The following HECW1 variants were observed in gnomAD, a reference collection of about 807,000 sequenced individuals.
HECW1 encodes HECT, C2 and WW domain containing E3 ubiquitin protein ligase 1, also known as E3 ubiquitin-protein ligase HECW1.
Under a neutral mutation model 182.3 loss-of-function variants are expected in HECW1, and 61 were observed. The observed-to-expected ratio is 0.33, with a 90% confidence interval of 0.27 to 0.41. The LOEUF is 0.41. Ranked by LOEUF, HECW1 falls within the 10% of genes least tolerant of loss-of-function variation. The pLI, the probability that HECW1 is intolerant of heterozygous loss-of-function variation, is 1.00. For synonymous variants in HECW1, 859 were observed against 832.6 expected, an observed-to-expected ratio of 1.03 and a Z score of -0.55; for missense variants, 1,739 against 2,108.9, an observed-to-expected ratio of 0.82 and a Z score of 3.44.
Position 43,407,125 on chromosome 7 carries a change from G to T in HECW1, c.632-437G>T, listed in dbSNP as rs373913882. ...AAGCCCTGCCCTCCCTGGCAGCAGG[G>T]TTTCTCAGAACTCTCCTCATTGACT... is the stretch of plus-strand genomic sequence containing the variant. On this transcript the variant is annotated intron_variant, in intron 7 of 29. Transcript: ENST00000395891. 1.2e-4 allele frequency among the ~76,000 whole-genome samples: 18 copies of T among 152,126 alleles called. No homozygotes were observed. In the East Asian group the frequency reaches 2.7e-3, roughly 23 times the overall value.
rs78862114 is a variant in HECW1 at position 43,312,993 on chromosome 7, G to A, written c.352+906G>A. Among the ~76,000 whole-genome samples the A allele has an allele frequency of 6.8e-3, 1,042 of 152,234 alleles. 13 individuals are homozygous for A. The highest frequency in any genetic ancestry group is 0.024 in the African/African-American group (1,002 of 41,512). On this transcript the variant is annotated intron_variant, in intron 4 of 29. Coordinates refer to ENST00000395891, the MANE Select transcript of HECW1 (RefSeq NM_015052.5). ...TTTGCACATTCAGACACACAACACC[G>A]GATTTAACATCACAGAAAGTAATGG...
At chr7:43,198,081 C>T (rs1020917302) in intron 2 of HECW1, among the ~76,000 whole-genome samples, 4 of 150,616 alleles carry the variant, frequency 2.7e-5, no homozygotes, top group Admixed American at 2.6e-4. Context: ...CTCTCTTACA[C>T]ACCACACACT....
At chr7:43,379,490 C>T (rs1488025458) in intron 6 of HECW1, among the ~76,000 whole-genome samples, 1 of 152,142 alleles carries the variant, frequency 6.6e-6, no homozygotes, top group African/African-American at 2.4e-5. Context: ...CTGTCCTCTC[C>T]GCTCAATCAC....
At chr7:43,170,391 G>A (rs770841075) in intron 2 of HECW1, among the ~76,000 whole-genome samples, 13 of 152,064 alleles carry the variant, frequency 8.5e-5, no homozygotes, top group South Asian at 2.1e-4. Context: ...TGTTTTCCAC[G>A]AAACAGGTCC....
chr7:43,151,245 G>T (rs1789288790), intron 2 of HECW1, among the ~76,000 whole-genome samples: 1 of 152,172 alleles, frequency 6.6e-6, no homozygotes, highest in African/African-American at 2.4e-5. Context: ...CACTCAGGGA[G>T]GATAACATGA....
chr7:43,421,881 TG>T (rs2076195282), intron 8 of HECW1, among the ~76,000 whole-genome samples: 1 of 152,124 alleles, frequency 6.6e-6, no homozygotes, highest in Non-Finnish European at 1.5e-5. Flanking sequence ...AGAAGCCAGG[TG>T]GGAAACGAGG....
chr7:43,314,757 C>T (rs17172195), intron 4 of HECW1, among the ~76,000 whole-genome samples: 1,988 of 152,296 alleles, frequency 0.013, 57 homozygotes, highest in African/African-American at 0.046. Context: ...CTTCCAAATC[C>T]GAAATTGTCT....
chr7:43,541,824 C>T (rs767583435), intron 25 of HECW1, 45 bp from the exon 26 acceptor site: 46 of 1,402,442 alleles, frequency 3.3e-5, no homozygotes, highest in Non-Finnish European at 3.9e-5. Context: ...GAGGTCTGGG[C>T]AGCCATTTGT....
At chr7:43,268,376 C>T (rs1297953663) in intron 3 of HECW1, among the ~76,000 whole-genome samples, 1 of 152,238 alleles carries the variant, frequency 6.6e-6, no homozygotes, top group East Asian at 1.9e-4. Context: ...CAAAGATCTG[C>T]AGCCTAGCAG....
intron 2 of HECW1, among the ~76,000 whole-genome samples, chr7:43,223,393 A>T (rs1797150891): frequency 6.6e-6 from 1 of 152,170 alleles, no homozygotes; most frequent in Non-Finnish European, 1.5e-5. Context: ...TGAGGCGGGC[A>T]GATCACCTGA....
chr7:43,422,803 A>G (rs1290980882), intron 8 of HECW1, among the ~76,000 whole-genome samples: 1 of 152,244 alleles, frequency 6.6e-6, no homozygotes, highest in East Asian at 1.9e-4. Flanking sequence ...AGAAAGGGAA[A>G]TTGCCAAAAC....
intron 2 of HECW1, among the ~76,000 whole-genome samples, chr7:43,190,992 G>A (rs1793866075): frequency 6.6e-6 from 1 of 151,982 alleles, no homozygotes; most frequent in African/African-American, 2.4e-5. Flanking sequence ...GGACCTTGGT[G>A]CAAGTACCCA....
intron 6 of HECW1, among the ~76,000 whole-genome samples, chr7:43,381,967 C>T (rs1313919134): frequency 6.6e-6 from 1 of 151,992 alleles, no homozygotes; most frequent in Non-Finnish European, 1.5e-5. Context: ...CCCAGCTGAG[C>T]CTCAAATTCT....
intron 2 of HECW1, among the ~76,000 whole-genome samples, chr7:43,238,575 G>A (rs1345111601): frequency 6.6e-6 from 1 of 152,218 alleles, no homozygotes; most frequent in Non-Finnish European, 1.5e-5. Flanking sequence ...GGAAGTTAGG[G>A]AACGTGGAAG....
At chr7:43,299,894 A>T (rs937193400) in intron 3 of HECW1, among the ~76,000 whole-genome samples, 9 of 152,346 alleles carry the variant, frequency 5.9e-5, no homozygotes, top group African/African-American at 2.2e-4. Context: ...ATTCCCCTGA[A>T]TAATTGCTAA....
In HECW1 at chr7:43,307,422, A is replaced by T. The variant is rs183986020; in HGVS notation, c.28-4341A>T. Among the ~76,000 whole-genome samples, 748 of 152,240 alleles carry T rather than the reference A, an allele frequency of 4.9e-3. 3 individuals are homozygous for T. Among genetic ancestry groups the T allele is most frequent in the South Asian group, 0.014 (68 of 4,816 alleles). The stretch of plus-strand genomic sequence containing the variant: ...ATCCGTTGATTTCCCATACATACAG[A>T]GATTGGGAGGGCCACCCTTTGCAGA... On this transcript the variant is annotated intron_variant, in intron 3 of 29. Transcript: ENST00000395891.
intron 2 of HECW1, among the ~76,000 whole-genome samples, chr7:43,184,595 T>C (rs1263691276): frequency 6.6e-6 from 1 of 151,998 alleles, no homozygotes; most frequent in Non-Finnish European, 1.5e-5. Context: ...CATTAGAGGA[T>C]TGGGACTTTC....
At chr7:43,237,144 G>A (rs755785514) in intron 2 of HECW1, among the ~76,000 whole-genome samples, 6 of 49,656 alleles carry the variant, frequency 1.2e-4, no homozygotes, top group East Asian at 5.9e-4. Context: ...GAAGGAAGTA[G>A]GTAGGTAGGT....
intron 1 of HECW1, 176 bp from the exon 2 acceptor site, chr7:43,113,981 T>G: frequency 3.2e-6 from 1 of 315,510 alleles, no homozygotes; most frequent in Non-Finnish European, 6.0e-6. Flanking sequence ...CGGCTTCCTG[T>G]GGTTCCGGGC....
Sources: allele counts gnomAD v4.1 joint callset (sites outside exome capture counted in the v4.1 genomes callset), GRCh38; gene constraint gnomAD v4.1.1; transcripts MANE v1.5; gene names NCBI Gene and HGNC (gene_info 2026-07-23, HGNC 2026-07-21).